RBFOX1: variants seen among roughly 807,000 people sequenced by gnomAD.
RBFOX1 encodes RNA binding protein fox-1 homolog 1.
A neutral mutation model predicts 57.7 loss-of-function variants in RBFOX1; 8 were observed. That is an observed-to-expected ratio of 0.14 (90% CI 0.08 to 0.25). The LOEUF is 0.25. Among genes scored for constraint, RBFOX1 ranks in the 10% least tolerant of loss-of-function variants. The pLI, the probability that RBFOX1 is intolerant of heterozygous loss-of-function variation, is 1.00. For synonymous variants in RBFOX1, 326 were observed against 222.4 expected, an observed-to-expected ratio of 1.47 and a Z score of -4.15; for missense variants, 611 against 548.5, an observed-to-expected ratio of 1.11 and a Z score of -1.14.
intron 2 of RBFOX1, among the ~76,000 whole-genome samples, chr16:6,492,416 A>T (rs2095653896): frequency 6.6e-6 from 1 of 152,068 alleles, no homozygotes; most frequent in Admixed American, 6.6e-5. Context: ...AAAAATACAA[A>T]AATTTGCCAG....
In RBFOX1 at chr16:5,914,767, C is replaced by T. The variant is rs138358970; in HGVS notation, c.351+47432C>T. On this transcript the variant is annotated intron_variant, in intron 4 of 19. Coordinates refer to the RBFOX1 transcript ENST00000641259. Reference sequence around the variant, plus strand: ...AAAAAATAGCGGGCATGGTGGCAGGCGCCTGTAGTCCCAGCTACTCAGGAG... The same window carrying T: ...AAAAAATAGCGGGCATGGTGGCAGGTGCCTGTAGTCCCAGCTACTCAGGAG... Among the ~76,000 whole-genome samples the T allele has an allele frequency of 1.1e-3, 173 of 152,124 alleles. 1 individual carries two copies. The highest frequency in any genetic ancestry group is 3.9e-3 in the African/African-American group (161 of 41,512).
At chr16:7,291,223 G>T (rs2095765380) in intron 4 of RBFOX1, among the ~76,000 whole-genome samples, 1 of 152,286 alleles carries the variant, frequency 6.6e-6, no homozygotes, top group East Asian at 1.9e-4. Flanking sequence ...TCAATACTGT[G>T]CCCTAACCAG....
chr16:7,355,381 T>A (rs2097196773), intron 4 of RBFOX1, among the ~76,000 whole-genome samples: 1 of 152,290 alleles, frequency 6.6e-6, no homozygotes, highest in Admixed American at 6.5e-5. Flanking sequence ...AGAGTAAAGT[T>A]TGTGGCTCTG....
chr16:7,500,371 G>A (rs2070332118), intron 4 of RBFOX1, among the ~76,000 whole-genome samples: 3 of 152,170 alleles, frequency 2.0e-5, no homozygotes, highest in African/African-American at 7.2e-5. Flanking sequence ...GAATTTGTAA[G>A]TCCAGTGAGG....
At chr16:6,746,237 T>C (rs952735175) in intron 3 of RBFOX1, among the ~76,000 whole-genome samples, 2 of 152,134 alleles carry the variant, frequency 1.3e-5, no homozygotes, top group East Asian at 1.9e-4. Flanking sequence ...CCAGCAGGCC[T>C]TTTTTTCAAT....
chr16:6,547,773 AT>A (rs61126489), intron 2 of RBFOX1, among the ~76,000 whole-genome samples: 1,746 of 147,678 alleles, frequency 0.012, 22 homozygotes, highest in Admixed American at 0.033. Context: ...GTCATGTGTG[AT>A]TTTTTTTTTT....
rs191527639 is a variant in RBFOX1, at chr16:6,078,172, G to A, written c.-127+58180G>A. ...CTTGAACATGTGGTAACATGTATGA[G>A]GAAATGCTTTGTACATAACAAATCA... On this transcript the variant is annotated intron_variant, in intron 1 of 15. Transcript: ENST00000550418. Among the ~76,000 whole-genome samples, 391 of 152,202 alleles carry A rather than the reference G, an allele frequency of 2.6e-3. 2 individuals carry two copies. The highest frequency in any genetic ancestry group is 8.3e-3 in the African/African-American group (346 of 41,506).
chr16:5,818,158 C>G (rs931827850), intron 3 of RBFOX1, among the ~76,000 whole-genome samples: 4 of 152,150 alleles, frequency 2.6e-5, no homozygotes, highest in African/African-American at 7.2e-5. Flanking sequence ...AGCATTGTTA[C>G]CAATCATTGA....
chr16:6,165,458 G>A (rs1175801890), intron 1 of RBFOX1, among the ~76,000 whole-genome samples: 4 of 152,166 alleles, frequency 2.6e-5, no homozygotes, highest in Non-Finnish European at 5.9e-5. Context: ...CTAGGAAGGA[G>A]CTATTTGCAG....
intron 3 of RBFOX1, among the ~76,000 whole-genome samples, chr16:5,688,878 A>G (rs1052062523): frequency 6.6e-6 from 1 of 152,196 alleles, no homozygotes; most frequent in Non-Finnish European, 1.5e-5. Flanking sequence ...ACTGCCTCTC[A>G]TCTCTGCTTC....
chr16:6,644,516 C>T (rs932876836), intron 2 of RBFOX1, among the ~76,000 whole-genome samples: 1 of 152,214 alleles, frequency 6.6e-6, no homozygotes, highest in Non-Finnish European at 1.5e-5. Flanking sequence ...TGTCTCCTCA[C>T]ACTCCTGAGA....
intron 1 of RBFOX1, among the ~76,000 whole-genome samples, chr16:6,129,364 G>C (rs948016904): frequency 1.2e-4 from 18 of 152,146 alleles, no homozygotes; most frequent in Admixed American, 1.2e-3. Flanking sequence ...GAAAGGAAAT[G>C]TAAAATATTT....
At chr16:6,050,578 G>T (rs1351323217) in intron 1 of RBFOX1, among the ~76,000 whole-genome samples, 3 of 152,024 alleles carry the variant, frequency 2.0e-5, no homozygotes, top group African/African-American at 7.2e-5. Flanking sequence ...GGTATTATTA[G>T]CTTTATTCTA....
intron 4 of RBFOX1, among the ~76,000 whole-genome samples, chr16:7,325,778 G>A (rs552009038): frequency 6.6e-6 from 1 of 152,276 alleles, no homozygotes; most frequent in African/African-American, 2.4e-5. Context: ...CAACCCTTTT[G>A]TAGCCATCCT....
intron 3 of RBFOX1, among the ~76,000 whole-genome samples, chr16:6,749,783 G>C (rs1328346406): frequency 1.3e-5 from 2 of 152,174 alleles, no homozygotes; most frequent in Non-Finnish European, 2.9e-5. Context: ...GCAGCCTTAT[G>C]ATTAAAATCA....
intron 3 of RBFOX1, among the ~76,000 whole-genome samples, chr16:6,805,877 C>G (rs1445541545): frequency 1.3e-5 from 2 of 152,188 alleles, no homozygotes; most frequent in African/African-American, 4.8e-5. Flanking sequence ...CTTTCCAACA[C>G]GAATCACTAG....
intron 1 of RBFOX1, among the ~76,000 whole-genome samples, chr16:6,096,654 T>C (rs2096248422): frequency 1.3e-5 from 2 of 152,224 alleles, no homozygotes; most frequent in Non-Finnish European, 2.9e-5. Flanking sequence ...TACAGTGGCA[T>C]CAATCTTACA....
chr16:6,477,565 T>C (rs2095293013), intron 2 of RBFOX1, among the ~76,000 whole-genome samples: 1 of 152,190 alleles, frequency 6.6e-6, no homozygotes, highest in South Asian at 2.1e-4. Context: ...CTGTTTCATT[T>C]CTAGAGCATA....
chr16:5,562,421 CTG>C (rs2045921232), intron 2 of RBFOX1, among the ~76,000 whole-genome samples: 1 of 152,078 alleles, frequency 6.6e-6, no homozygotes, highest in Non-Finnish European at 1.5e-5. Context: ...GATCAGGGCT[CTG>C]AGGGCAGATG....
Sources: allele counts gnomAD v4.1 joint callset (sites outside exome capture counted in the v4.1 genomes callset), GRCh38; gene constraint gnomAD v4.1.1; transcripts MANE v1.5; gene names NCBI Gene and HGNC (gene_info 2026-07-23, HGNC 2026-07-21).